The following PPEF2 variants were observed in gnomAD, a reference collection of about 807,000 sequenced individuals.
PPEF2 encodes protein phosphatase with EF-hand domain 2.
Under a neutral mutation model 84.7 loss-of-function variants are expected in PPEF2, and 84 were observed. That is an observed-to-expected ratio of 0.99 (90% CI 0.83 to 1.19). PPEF2 has a LOEUF of 1.19. Ranked by LOEUF, PPEF2 falls within the 50% of genes most tolerant of loss-of-function variation. The pLI is 0.00. For synonymous variants in PPEF2, 346 were observed against 345.2 expected, an observed-to-expected ratio of 1.00 and a Z score of -0.03; for missense variants, 924 against 937.5, an observed-to-expected ratio of 0.99 and a Z score of 0.19.
At chr4:75,900,972 GA>G (rs1460309774) in intron 1 of PPEF2, among the ~76,000 whole-genome samples, 2 of 152,174 alleles carry the variant, frequency 1.3e-5, no homozygotes, top group African/African-American at 4.8e-5. Context: ...ATATAAAAAT[GA>G]AAGACTATAC....
intron 15 of PPEF2, among the ~76,000 whole-genome samples, chr4:75,864,956 G>C (rs1724092331): frequency 6.6e-6 from 1 of 152,092 alleles, no homozygotes; most frequent in South Asian, 2.1e-4. Context: ...TTTGTTTTCA[G>C]ATGGAGTTTC....
intron 10 of PPEF2, chr4:75,882,033 A>G (rs7668165): frequency 5.9e-5 from 9 of 151,906 alleles, no homozygotes; most frequent in Non-Finnish European, 1.2e-4. Flanking sequence ...GAAAATAGAA[A>G]CTTTGCTTCC....
rs764212247 is a variant in PPEF2 at position 75,890,219 on chromosome 4, G to C, written c.242-87C>G. ...TATAGAATAGTCCTTGGCTGGGCAC[G>C]GTGGCTCTCTAATCCCAGAAATTTG... On this transcript the variant is annotated intron_variant, in intron 4 of 16. Coordinates refer to ENST00000286719, the MANE Select transcript of PPEF2 (RefSeq NM_006239.3). 10 of 1,449,066 alleles carry C rather than the reference G, an allele frequency of 6.9e-6. No homozygotes were observed. The African/African-American group carries it at 9.8e-5, about 14-fold the overall frequency. 89.8% of individuals were successfully genotyped at this position (1,449,066 alleles called of 1,614,324 possible). A position where few individuals can be genotyped will look rare whatever the true frequency, so the allele number is the denominator to read the frequency against.
At chr4:75,873,924 T>C (rs1387792777) in intron 11 of PPEF2, among the ~76,000 whole-genome samples, 1 of 151,610 alleles carries the variant, frequency 6.6e-6, no homozygotes, top group African/African-American at 2.4e-5. Flanking sequence ...CTGGTCAACA[T>C]GTGAAATCCC....
chr4:75,863,955 C>T (rs930168413), intron 16 of PPEF2, among the ~76,000 whole-genome samples: 1 of 151,646 alleles, frequency 6.6e-6, no homozygotes, highest in Non-Finnish European at 1.5e-5. Context: ...TCACTGCAAC[C>T]TCCGCCTCCC....
At chr4:75,866,109 T>C in intron 15 of PPEF2, 80 bp downstream of exon 15, 1 of 1,412,114 alleles carries the variant, frequency 7.1e-7, no homozygotes, top group Non-Finnish European at 9.4e-7. Flanking sequence ...TTATTACTAG[T>C]TGGTTGTTTC....
At chr4:75,872,310 CT>C in intron 12 of PPEF2, 143 bp from the exon 13 acceptor site, 2 of 843,044 alleles carry the variant, frequency 2.4e-6, no homozygotes, top group Non-Finnish European at 3.4e-6. Context: ...TTCTTTCTTT[CT>C]TTTTTTCTAA....
At chr4:75,882,273 CT>C (rs1393835061) in intron 10 of PPEF2, among the ~76,000 whole-genome samples, 1 of 152,058 alleles carries the variant, frequency 6.6e-6, no homozygotes, top group East Asian at 1.9e-4. Flanking sequence ...TGATCTTCAT[CT>C]TTTTTTTCTG....
intron 15 of PPEF2, 115 bp from the exon 16 acceptor site, chr4:75,864,642 T>A (rs1724086685): frequency 2.4e-6 from 2 of 817,516 alleles, no homozygotes; most frequent in African/African-American, 3.4e-5. Context: ...CTGAAAATAT[T>A]TTGCCATCCC....
At chr4:75,868,670 T>A (rs1560480191) in intron 13 of PPEF2, among the ~76,000 whole-genome samples, 1 of 151,986 alleles carries the variant, frequency 6.6e-6, no homozygotes, top group South Asian at 2.1e-4. Flanking sequence ...CACTCCAGCC[T>A]GGACAACCAG....
At chr4:75,873,794 A>ATT (rs781257047) in intron 11 of PPEF2, among the ~76,000 whole-genome samples, 3 of 145,642 alleles carry the variant, frequency 2.1e-5, no homozygotes, top group African/African-American at 5.0e-5. Context: ...TAGTTTAAGA[A>ATT]TTTTTTTTTT....
chr4:75,867,788 T>TC (rs1724167769), intron 13 of PPEF2, among the ~76,000 whole-genome samples: 1 of 152,216 alleles, frequency 6.6e-6, no homozygotes, highest in Non-Finnish European at 1.5e-5. Flanking sequence ...GTACAGCACT[T>TC]AGAAGAAAGC....
intron 11 of PPEF2, among the ~76,000 whole-genome samples, chr4:75,876,047 C>T (rs1371395496): frequency 2.0e-5 from 3 of 152,232 alleles, no homozygotes; most frequent in South Asian, 2.1e-4. Flanking sequence ...TCTTACCCTA[C>T]TAGTGCTCAA....
At chr4:75,870,242 C>T (rs1724235021) in intron 13 of PPEF2, among the ~76,000 whole-genome samples, 1 of 152,140 alleles carries the variant, frequency 6.6e-6, no homozygotes. Context: ...CCAGGGCTCA[C>T]CCCTGGAGAT....
chr4:75,876,633 TCA>T lies in PPEF2; in HGVS notation c.972_973del (p.Ser324ArgfsTer102), dbSNP rs1724424332. On this transcript the variant is annotated frameshift_variant, in exon 11 of 17. Coordinates refer to ENST00000286719, the MANE Select transcript of PPEF2 (RefSeq NM_006239.3). LOFTEE classifies it high-confidence loss of function. ...TCTTCTCTTCTCCTCCATCTGCTTCTCACTCTTCTGTCTCGTTTTGCACCTCA... is the reference window on the plus strand; with the variant it reads ...TCTTCTCTTCTCCTCCATCTGCTTCTCTCTTCTGTCTCGTTTTGCACCTCA... The T allele has an allele frequency of 6.3e-7, 1 of 1,586,492 alleles. No individual in the cohort carries two copies. Among genetic ancestry groups the T allele is most frequent in the Admixed American group, 1.8e-5 (1 of 54,594 alleles).
Position 75,860,685 on chromosome 4 carries a change from G to C in PPEF2, c.2244C>G (p.Ser748Arg), listed in dbSNP as rs757263168. The C allele has an allele frequency of 6.2e-7, 1 of 1,614,124 alleles. No individual in the cohort carries two copies. Among genetic ancestry groups the C allele is most frequent in the Non-Finnish European group, 8.5e-7 (1 of 1,180,014 alleles). ...GCTGTTCTTAGTGTGCACCTGGACTGCTGCAGCCACTGTCTTTAGCATTTG... is the reference window on the plus strand; with the variant it reads ...GCTGTTCTTAGTGTGCACCTGGACTCCTGCAGCCACTGTCTTTAGCATTTG... ...QATNAKDSGC[S>R]SPGAH Residue 748 changes from serine (S) to arginine (R), a missense_variant, in exon 17 of 17, where the codon AGC becomes AGG. Ser to Arg is a moderately radical substitution (Grantham distance 110). Transcript: ENST00000286719.
At chr4:75,891,543 G>T in intron 4 of PPEF2, 105 bp downstream of exon 4, 1 of 1,303,068 alleles carries the variant, frequency 7.7e-7, no homozygotes, top group Non-Finnish European at 1.0e-6. Flanking sequence ...CTTATTCCCT[G>T]GCTGTCACCA....
chr4:75,883,689 G>A (rs982552536), intron 8 of PPEF2, among the ~76,000 whole-genome samples: 3 of 151,728 alleles, frequency 2.0e-5, no homozygotes, highest in African/African-American at 7.3e-5. Flanking sequence ...GTGGTGGCAG[G>A]CTCCTGTAGT....
intron 10 of PPEF2, chr4:75,881,843 T>C (rs1449575386): frequency 6.6e-6 from 1 of 152,236 alleles, no homozygotes; most frequent in Non-Finnish European, 1.5e-5. Context: ...TAAAGCCGTA[T>C]TCTTTCATTT....
Sources: allele counts gnomAD v4.1 joint callset (sites outside exome capture counted in the v4.1 genomes callset), GRCh38; gene constraint gnomAD v4.1.1; transcripts MANE v1.5; gene names NCBI Gene and HGNC (gene_info 2026-07-23, HGNC 2026-07-21).